Variants in MPHOSPH8 observed in about 807,000 individuals in gnomAD.
MPHOSPH8 encodes the protein M-phase phosphoprotein, mpp.
MPHOSPH8 carries 45 observed loss-of-function variants against 87.3 expected under a neutral mutation model. The observed-to-expected ratio is 0.52, with a 90% CI of 0.41 to 0.66. The LOEUF is 0.66. MPHOSPH8 is among the 30% of genes least tolerant of loss of function. MPHOSPH8 has a pLI of 0.00. For missense variants in MPHOSPH8, 883 were observed against 1,020.2 expected (o/e 0.87, Z 1.83); for synonymous variants, 366 against 376.9 (o/e 0.97, Z 0.33).
intron 9 of MPHOSPH8, among the ~76,000 whole-genome samples, chr13:19,663,839 A>G (rs957758018): frequency 1.3e-5 from 2 of 152,108 alleles, no homozygotes; most frequent in Non-Finnish European, 2.9e-5. Flanking sequence ...CCATTGAGCC[A>G]AGCGGGGGCC....
intron 5 of MPHOSPH8, among the ~76,000 whole-genome samples, chr13:19,656,276 T>TTAA (rs1565939612): frequency 1.6e-4 from 2 of 12,174 alleles, no homozygotes; most frequent in Non-Finnish European, 2.8e-4. Context: ...AAGACTGTTG[T>TTAA]CAAAAAAAAA....
At chr13:19,662,666 ACT>A (rs922066690) in intron 8 of MPHOSPH8, among the ~76,000 whole-genome samples, 3 of 152,204 alleles carry the variant, frequency 2.0e-5, no homozygotes, top group Non-Finnish European at 4.4e-5. Context: ...ATATTAAAAT[ACT>A]CTGATTAAAG....
rs200437991 is a variant in MPHOSPH8 at position 19,668,362 on chromosome 13, ATT to A, written c.2175-7_2175-6del. 2 of 1,582,032 alleles carry A rather than the reference ATT, an allele frequency of 1.3e-6. No individual in the cohort carries two copies. The highest frequency in any genetic ancestry group is 8.6e-7 in the Non-Finnish European group (1 of 1,157,382). ...TTCTACATTAACGTTAACACGTACT[ATT>A]TTTTTTTCTTAGACTTTCAAGAGTA... On this transcript the variant is annotated splice_polypyrimidine_tract_variant and intron_variant, in intron 10 of 13. Coordinates refer to ENST00000361479, the MANE Select transcript of MPHOSPH8 (RefSeq NM_017520.4).
chr13:19,645,744 C>CAA (rs71092387), intron 2 of MPHOSPH8, among the ~76,000 whole-genome samples: 21 of 75,514 alleles, frequency 2.8e-4, no homozygotes, highest in African/African-American at 6.9e-4. Flanking sequence ...GACTCTGTCT[C>CAA]AAAAAAAAAA....
At chr13:19,649,234 G>C (rs1274147214) in intron 4 of MPHOSPH8, among the ~76,000 whole-genome samples, 1 of 152,052 alleles carries the variant, frequency 6.6e-6, no homozygotes, top group Non-Finnish European at 1.5e-5. Context: ...AGAATGACTA[G>C]AGGTTCAAAA....
chr13:19,646,510 A>G lies in MPHOSPH8; in HGVS notation c.437A>G (p.Glu146Gly). The change falls in exon 3 of 14, where the codon GAA becomes GGA. Residue 146 changes from glutamate (E) to glycine (G), a missense_variant. Glu to Gly is a moderately conservative substitution (Grantham distance 98). Coordinates refer to ENST00000361479, the MANE Select transcript of MPHOSPH8 (RefSeq NM_017520.4). ...SDSDQQSETK[E>G]DTSPKKKKKK... The stretch of plus-strand genomic sequence containing the variant: ...AGCGATCAGCAAAGTGAGACAAAAG[A>G]AGATACTTCCCCAAAGAAGAAAAAG... 6.4e-7 allele frequency: 1 copy of G among 1,570,798 alleles called. No homozygotes were observed. Among genetic ancestry groups the G allele is most frequent in the South Asian group, 1.2e-5 (1 of 82,456 alleles).
In MPHOSPH8 at chr13:19,646,976, G is replaced by C; in HGVS notation, c.903G>C (p.Gly301=). The C allele has an allele frequency of 6.3e-7, 1 of 1,594,906 alleles. No individual in the cohort carries two copies. Among genetic ancestry groups the C allele is most frequent in the Non-Finnish European group, 8.5e-7 (1 of 1,175,050 alleles). The part of the protein sequence containing the change: ...QNTKSARERA[G]QDMGLEHGFE... ...CTAAAAGTGCAAGAGAGAGAGCAGG[G>C]CAGGACATGGGGCTGGAGCATGGCT... Residue 301 remains glycine (G), a synonymous_variant, in exon 3 of 14, where the codon GGG becomes GGC. Coordinates refer to ENST00000361479, the MANE Select transcript of MPHOSPH8 (RefSeq NM_017520.4).
intron 5 of MPHOSPH8, 183 bp downstream of exon 5, chr13:19,650,443 C>A: frequency 1.7e-6 from 1 of 597,782 alleles, no homozygotes; most frequent in Non-Finnish European, 2.7e-6. Flanking sequence ...CTCAATGGAT[C>A]AAACAATTTT....
At chr13:19,671,778 G>A in intron 13 of MPHOSPH8, 56 bp from the exon 14 acceptor site, 2 of 1,561,196 alleles carry the variant, frequency 1.3e-6, no homozygotes, top group East Asian at 2.2e-5. Flanking sequence ...GTTTTTTCTT[G>A]TAAGAAAGGG....
intron 5 of MPHOSPH8, among the ~76,000 whole-genome samples, chr13:19,652,699 C>T (rs1874926378): frequency 6.6e-6 from 1 of 152,180 alleles, no homozygotes; most frequent in African/African-American, 2.4e-5. Flanking sequence ...TTCTCGCTGC[C>T]AGCACAGCAG....
intron 1 of MPHOSPH8, 76 bp from the exon 2 acceptor site, chr13:19,642,039 A>AG: frequency 2.0e-6 from 1 of 491,718 alleles, no homozygotes; most frequent in South Asian, 3.8e-5. Flanking sequence ...TCTTCTCATC[A>AG]GTTTTTTTTT....
In MPHOSPH8 at chr13:19,671,925, C is replaced by T; in HGVS notation, c.*50C>T. 1 of 1,570,884 alleles carries T rather than the reference C, an allele frequency of 6.4e-7. No homozygotes were observed. Among genetic ancestry groups the T allele is most frequent in the Non-Finnish European group, 8.8e-7 (1 of 1,142,048 alleles). On this transcript the variant is annotated 3_prime_UTR_variant, in exon 14 of 14. Transcript: ENST00000361479. Reference sequence around the variant, plus strand: ...TTCTCTTCAGACCGATTCCTATACTCTCTTTGACAGCAGTTTGGAATTCTT... The same window carrying T: ...TTCTCTTCAGACCGATTCCTATACTTTCTTTGACAGCAGTTTGGAATTCTT...
At chr13:19,662,892 C>T in intron 8 of MPHOSPH8, 148 bp from the exon 9 acceptor site, 1 of 681,606 alleles carries the variant, frequency 1.5e-6, no homozygotes, top group Non-Finnish European at 2.5e-6. Context: ...GGGTGCACCC[C>T]CGTGGCCCCA....
At chr13:19,649,376 T>G (rs1224206757) in intron 4 of MPHOSPH8, among the ~76,000 whole-genome samples, 2 of 152,162 alleles carry the variant, frequency 1.3e-5, no homozygotes, top group African/African-American at 4.8e-5. Flanking sequence ...ATAAGGGTAC[T>G]CACTAGAGTC....
At chr13:19,651,168 C>T (rs192782284) in intron 5 of MPHOSPH8, among the ~76,000 whole-genome samples, 31 of 152,284 alleles carry the variant, frequency 2.0e-4, no homozygotes, top group African/African-American at 7.5e-4. Context: ...AAAAGAGGTA[C>T]GATTACAGGT....
Position 19,647,004 on chromosome 13 carries a change from G to C in MPHOSPH8, c.931G>C (p.Glu311Gln), listed in dbSNP as rs1874601701. 3 of 1,592,502 alleles carry C rather than the reference G, an allele frequency of 1.9e-6. No individual in the cohort carries two copies. The highest frequency in any genetic ancestry group is 1.7e-6 in the Non-Finnish European group (2 of 1,174,562). Residue 311 changes from glutamate to glutamine, a missense_variant, in exon 3 of 14, where the codon GAG (glutamate) becomes CAG (glutamine). Physicochemically the swap from Glu to Gln is conservative, Grantham distance 29 (BLOSUM62 2). Coordinates refer to ENST00000361479, the MANE Select transcript of MPHOSPH8 (RefSeq NM_017520.4). Reference sequence around the variant, plus strand: ...GGACATGGGGCTGGAGCATGGCTTTGAGAAGCCCCTAGACAGTGCCATGAG... The same window carrying C: ...GGACATGGGGCTGGAGCATGGCTTTCAGAAGCCCCTAGACAGTGCCATGAG... The part of the protein sequence containing the change: ...GQDMGLEHGF[E>Q]KPLDSAMSAE...
In MPHOSPH8 at chr13:19,663,024, T is replaced by C; in HGVS notation, c.1933-16T>C. On this transcript the variant is annotated splice_polypyrimidine_tract_variant and intron_variant, in intron 8 of 13. Coordinates refer to ENST00000361479, the MANE Select transcript of MPHOSPH8 (RefSeq NM_017520.4). ...ATAATTTGGGAAATTAAATTTGCCT[T>C]TTTTTCTTTTCATAGAACTTTTTAA... The C allele has an allele frequency of 6.3e-7, 1 of 1,590,780 alleles. No homozygotes were observed. The highest frequency in any genetic ancestry group is 8.6e-7 in the Non-Finnish European group (1 of 1,164,922).
intron 1 of MPHOSPH8, 114 bp downstream of exon 1, chr13:19,634,075 A>G: frequency 9.2e-7 from 1 of 1,082,520 alleles, no homozygotes; most frequent in Non-Finnish European, 1.4e-6. Flanking sequence ...GAGGAATGTG[A>G]GAGTTCAATG....
chr13:19,662,810 G>A (rs1363426574), intron 8 of MPHOSPH8, among the ~76,000 whole-genome samples: 1 of 152,132 alleles, frequency 6.6e-6, no homozygotes, highest in Non-Finnish European at 1.5e-5. Context: ...AGGTTCTTAG[G>A]TTGGAGCTAG....
Sources: gnomAD v4.1 joint callset for allele counts (sites outside exome capture counted in the v4.1 genomes callset) on GRCh38, gnomAD v4.1.1 for gene constraint, MANE v1.5 for transcripts, NCBI Gene and HGNC (gene_info 2026-07-23, HGNC 2026-07-21) for gene names.